Variants in LDLRAD1 observed in about 807,000 individuals in gnomAD.
LDLRAD1 encodes the protein low-density lipoprotein receptor class A domain-containing protein 1.
In LDLRAD1, 17 loss-of-function variants were observed where a neutral mutation model predicts 24.8. The observed-to-expected ratio is 0.69, with a 90% CI of 0.47 to 1.03. LDLRAD1 has a LOEUF of 1.03. Ranked by LOEUF, LDLRAD1 falls within the 50% of genes least tolerant of loss-of-function variation. The pLI, the probability that LDLRAD1 is intolerant of heterozygous loss-of-function variation, is 0.00. For missense variants in LDLRAD1, 277 were observed against 271.0 expected (o/e 1.02, Z -0.16); for synonymous variants, 103 against 108.2 (o/e 0.95, Z 0.30).
chr1:54,008,132 G>A lies in LDLRAD1; in HGVS notation c.*850C>T, dbSNP rs1468814390. ...TGGACAGACAGAAGACTGGTGAGGA[G>A]CCCTTCAAGCTGCTCTTTCTCCAGA... On this transcript the variant is annotated 3_prime_UTR_variant, in exon 6 of 6. Transcript: ENST00000371360. 1 of 152,196 alleles carries A rather than the reference G, an allele frequency of 6.6e-6. No individual in the cohort carries two copies. Among genetic ancestry groups the A allele is most frequent in the Admixed American group, 6.5e-5 (1 of 15,268 alleles). The allele number at this position is 152,196 out of a possible 1,614,324, so 9.4% of individuals were successfully genotyped here. A position where few individuals can be genotyped will look rare whatever the true frequency, so the allele number is the denominator to read the frequency against.
intron 5 of LDLRAD1, 54 bp downstream of exon 5, chr1:54,010,228 C>T: frequency 1.2e-6 from 2 of 1,605,540 alleles, no homozygotes; most frequent in South Asian, 1.1e-5. Context: ...ACCCTTTGCC[C>T]TCTGGCTGCT....
intron 4 of LDLRAD1, among the ~76,000 whole-genome samples, chr1:54,011,811 A>T (rs1475255369): frequency 6.6e-6 from 1 of 152,246 alleles, no homozygotes; most frequent in Non-Finnish European, 1.5e-5. Flanking sequence ...GGACACAGGG[A>T]ATCACAGGGA....
intron 4 of LDLRAD1, among the ~76,000 whole-genome samples, chr1:54,011,551 C>T (rs544334245): frequency 6.6e-6 from 1 of 152,314 alleles, no homozygotes; most frequent in South Asian, 2.1e-4. Flanking sequence ...CTGCACCTCT[C>T]CAGGCTCTCT....
At chr1:54,009,211 A>C (rs1569882517) in intron 5 of LDLRAD1, 81 bp from the exon 6 acceptor site, 137 of 1,374,762 alleles carry the variant, frequency 1.0e-4, no homozygotes, top group African/African-American at 2.9e-5. Context: ...TAGTTCTGAA[A>C]CCTGCCGTAG....
intron 1 of LDLRAD1, 143 bp downstream of exon 1, chr1:54,017,949 G>A (rs550582357): frequency 1.3e-6 from 1 of 793,418 alleles, no homozygotes; most frequent in South Asian, 1.4e-5. Flanking sequence ...CCAAGATCAG[G>A]AGCCTGGTCA....
intron 5 of LDLRAD1, among the ~76,000 whole-genome samples, chr1:54,009,347 C>A (rs1239810043): frequency 1.3e-5 from 2 of 152,124 alleles, no homozygotes; most frequent in African/African-American, 4.8e-5. Context: ...AAACTGTTTC[C>A]TAGTGTGCTC....
chr1:54,015,898 G>A (rs1007991929), intron 2 of LDLRAD1, among the ~76,000 whole-genome samples: 9 of 151,950 alleles, frequency 5.9e-5, no homozygotes, highest in Admixed American at 1.3e-4. Flanking sequence ...CAGGTGATCC[G>A]CCCACCTTGG....
Position 54,017,855 on chromosome 1 carries a change from G to A in LDLRAD1, c.21+237C>T, listed in dbSNP as rs184716758. On this transcript the variant is annotated intron_variant, in intron 1 of 5. Coordinates refer to ENST00000371360, the MANE Select transcript of LDLRAD1 (RefSeq NM_001010978.4). The stretch of plus-strand genomic sequence containing the variant: ...CCTACACCCTGGGAGTGAGCCCCGG[G>A]GCAGGACGGGGGCTGATTTTCCTCC... Among the ~76,000 whole-genome samples, 398 of 152,206 alleles carry A rather than the reference G, an allele frequency of 2.6e-3. 1 individual carries two copies. Among genetic ancestry groups the A allele is most frequent in the Admixed American group, 3.3e-3 (51 of 15,300 alleles).
chr1:54,008,891 T>TAGCGGTA lies in LDLRAD1; in HGVS notation c.*90_*91insTACCGCT. On this transcript the variant is annotated 3_prime_UTR_variant, in exon 6 of 6. Coordinates refer to ENST00000371360, the MANE Select transcript of LDLRAD1 (RefSeq NM_001010978.4). ...GTGTAGATCCCATTTCAAAGGCTGC[T>TAGCGGTA]TCCTGCCCTTGTGCGCTAGGATTTG... The TAGCGGTA allele has an allele frequency of 9.0e-7, 1 of 1,109,572 alleles. No individual in the cohort carries two copies. The highest frequency in any genetic ancestry group is 1.2e-6 in the Non-Finnish European group (1 of 816,482). 68.7% of individuals were successfully genotyped at this position (1,109,572 alleles called of 1,614,324 possible).
At chr1:54,015,930 C>T (rs1319103831) in intron 2 of LDLRAD1, among the ~76,000 whole-genome samples, 2 of 152,166 alleles carry the variant, frequency 1.3e-5, no homozygotes, top group Non-Finnish European at 2.9e-5. Flanking sequence ...GCTGGGATTA[C>T]AGGTGTGAGC....
chr1:54,008,889 GCT>G lies in LDLRAD1; in HGVS notation c.*91_*92del. The G allele has an allele frequency of 3.7e-6, 4 of 1,069,338 alleles. No individual in the cohort carries two copies. Among genetic ancestry groups the G allele is most frequent in the Non-Finnish European group, 5.1e-6 (4 of 788,648 alleles). The allele number at this position is 1,069,338 out of a possible 1,614,324, so 66.2% of individuals were successfully genotyped here. Reference sequence around the variant, plus strand: ...ATGTGTAGATCCCATTTCAAAGGCTGCTTCCTGCCCTTGTGCGCTAGGATTTG... The same window carrying G: ...ATGTGTAGATCCCATTTCAAAGGCTGTCCTGCCCTTGTGCGCTAGGATTTG... On this transcript the variant is annotated 3_prime_UTR_variant, in exon 6 of 6. Coordinates refer to ENST00000371360, the MANE Select transcript of LDLRAD1 (RefSeq NM_001010978.4).
intron 3 of LDLRAD1, among the ~76,000 whole-genome samples, chr1:54,013,334 G>A (rs1478260042): frequency 6.6e-6 from 1 of 152,102 alleles, no homozygotes; most frequent in Non-Finnish European, 1.5e-5. Context: ...CTGTGTTCCT[G>A]CAGGGCAGGG....
Position 54,018,118 on chromosome 1 carries a change from C to T in LDLRAD1, c.-6G>A, listed in dbSNP as rs373433016. ...TGGGGGAAGACCTTGTTCATGTCTT[C>T]GGTTTCCTGCTGCCCGACTGGGGCT... is the stretch of plus-strand genomic sequence containing the variant. On this transcript the variant is annotated 5_prime_UTR_variant, in exon 1 of 6. Coordinates refer to ENST00000371360, the MANE Select transcript of LDLRAD1 (RefSeq NM_001010978.4). The T allele has an allele frequency of 2.3e-5, 37 of 1,613,560 alleles. No individual in the cohort carries two copies. Among genetic ancestry groups the T allele is most frequent in the East Asian group, 4.5e-5 (2 of 44,880 alleles).
rs1038726438 is a variant in LDLRAD1 at position 54,009,358 on chromosome 1, A to C, written c.470-228T>G. ...TCTGAAACTGTTTCCTAGTGTGCTC[A>C]AGCTTGTTATCAAGCAAAGGATGTC... On this transcript the variant is annotated intron_variant, in intron 5 of 5. Transcript: ENST00000371360. 2.6e-5 allele frequency among the ~76,000 whole-genome samples: 4 copies of C among 152,066 alleles called. No homozygotes were observed. The South Asian group carries it at 6.2e-4, about 24-fold the overall frequency.
intron 1 of LDLRAD1, 25 bp from the exon 2 acceptor site, chr1:54,017,452 G>A: frequency 6.3e-7 from 1 of 1,582,232 alleles, no homozygotes; most frequent in Non-Finnish European, 8.6e-7. Flanking sequence ...AGAGTGAGGG[G>A]TGGGCTTAGG....
At chr1:54,011,966 G>C (rs374661491) in intron 4 of LDLRAD1, among the ~76,000 whole-genome samples, 177 bp downstream of exon 4, 1 of 152,214 alleles carries the variant, frequency 6.6e-6, no homozygotes, top group Non-Finnish European at 1.5e-5. Flanking sequence ...ATTCCTTAGT[G>C]GGGGCATGTA....
Position 54,010,506 on chromosome 1 carries a change from A to G in LDLRAD1, c.341-96T>C, listed in dbSNP as rs981176886. ...GGATTGACCACCCTGGCAGTGGCCA[A>G]ACTCAGGATCAGTGCCCATCCAGCC... On this transcript the variant is annotated intron_variant, in intron 4 of 5. Transcript: ENST00000371360. 3 of 1,316,618 alleles carry G rather than the reference A, an allele frequency of 2.3e-6. No individual in the cohort carries two copies. The African/African-American group carries it at 4.4e-5, about 19-fold the overall frequency. 81.6% of individuals were successfully genotyped at this position (1,316,618 alleles called of 1,614,324 possible). A position where few individuals can be genotyped will look rare whatever the true frequency, so the allele number is the denominator to read the frequency against.
Position 54,018,178 on chromosome 1 carries a change from G to T in LDLRAD1, c.-66C>A. 1.2e-6 allele frequency: 2 copies of T among 1,601,876 alleles called. No individual in the cohort carries two copies. The highest frequency in any genetic ancestry group is 1.7e-6 in the Non-Finnish European group (2 of 1,172,692). On this transcript the variant is annotated 5_prime_UTR_variant, in exon 1 of 6. Transcript: ENST00000371360. The stretch of plus-strand genomic sequence containing the variant: ...GAGCTCAGCACGGGTTCCCTGCATT[G>T]TCACCAAGGCCAACCTGGAGGAGGG...
intron 2 of LDLRAD1, 56 bp downstream of exon 2, chr1:54,017,320 T>C: frequency 6.9e-7 from 1 of 1,447,394 alleles, no homozygotes; most frequent in Non-Finnish European, 9.5e-7. Context: ...TATCGCCAAC[T>C]GCCAGCTTCA....
Sources: gnomAD v4.1 joint callset for allele counts (sites outside exome capture counted in the v4.1 genomes callset) on GRCh38, gnomAD v4.1.1 for gene constraint, MANE v1.5 for transcripts, NCBI Gene and HGNC (gene_info 2026-07-23, HGNC 2026-07-21) for gene names.